The following NAA11 variants were observed in gnomAD, a reference collection of about 807,000 sequenced individuals.
NAA11 encodes N-alpha-acetyltransferase 11.
A neutral mutation model predicts 16.1 loss-of-function variants in NAA11; 15 were observed. The ratio of observed to expected loss-of-function variants is 0.93; its 90% confidence interval spans 0.62 to 1.44. The LOEUF is 1.44. NAA11 is among the 40% of genes most tolerant of loss of function. NAA11 has a pLI of 0.00. For missense variants in NAA11, 298 were observed against 291.3 expected (o/e 1.02, Z -0.17); for synonymous variants, 122 against 112.4 (o/e 1.09, Z -0.54).
At chr4:79,226,702 G>GTT (rs1721324624) in intron 2 of NAA11, among the ~76,000 whole-genome samples, 1 of 151,186 alleles carries the variant, frequency 6.6e-6, no homozygotes, top group South Asian at 2.1e-4. Flanking sequence ...CCTTGCAATA[G>GTT]TTTGCTGAGA....
At chr4:79,282,803 G>A (rs1178966621) in intron 2 of NAA11, among the ~76,000 whole-genome samples, 1 of 152,098 alleles carries the variant, frequency 6.6e-6, no homozygotes, top group Non-Finnish European at 1.5e-5. Context: ...TGGAAATACG[G>A]AATTATTTAA....
At position 79,325,395 on chromosome 4, in the gene NAA11, T is replaced by C. The variant is rs781150928; in HGVS notation, c.483A>G (p.Gln161=). The change falls in exon 1 of 2, where the codon CAA becomes CAG. Residue 161 remains glutamine (Q), a synonymous_variant. Transcript: ENST00000286794. ...CATACCCGCCCTTCTTCAGGTCCATTTGTCGTCTCAGCTCATCTGCCATCT... is the reference window on the plus strand; with the variant it reads ...CATACCCGCCCTTCTTCAGGTCCATCTGTCGTCTCAGCTCATCTGCCATCT... ...LSQMADELRR[Q]MDLKKGGYVV... The C allele has an allele frequency of 2.1e-5, 34 of 1,614,012 alleles. No homozygotes were observed. Among genetic ancestry groups the C allele is most frequent in the African/African-American group, 4.0e-5 (3 of 74,908 alleles).
chr4:79,266,242 G>A (rs1266497051), intron 2 of NAA11, among the ~76,000 whole-genome samples: 1 of 152,188 alleles, frequency 6.6e-6, no homozygotes, highest in Non-Finnish European at 1.5e-5. Flanking sequence ...CACTCGCAGA[G>A]ATAAATCCCC....
At position 79,299,477 on chromosome 4, in the gene NAA11, T is replaced by A. The variant is rs1368353585; in HGVS notation, c.*13-5363A>T. On this transcript the variant is annotated intron_variant and NMD_transcript_variant, in intron 1 of 2. Transcript: ENST00000511542. ...GAGACTAAAAAGGCTTATAAGAATA[T>A]CAAGACCCCAATGTTGTACTTATGG... is the stretch of plus-strand genomic sequence containing the variant. 4 of 152,356 alleles carry A rather than the reference T, an allele frequency of 2.6e-5. No homozygotes were observed. The East Asian group carries it at 5.8e-4, about 22-fold the overall frequency. 9.4% of individuals were successfully genotyped at this position (152,356 alleles called of 1,614,324 possible).
At chr4:79,237,646 C>T (rs1721599694) in intron 2 of NAA11, among the ~76,000 whole-genome samples, 1 of 152,090 alleles carries the variant, frequency 6.6e-6, no homozygotes, top group Non-Finnish European at 1.5e-5. Context: ...GCTTGTTAAA[C>T]TAAATTGTTA....
At chr4:79,247,936 G>A (rs1029840909) in intron 2 of NAA11, among the ~76,000 whole-genome samples, 1 of 152,172 alleles carries the variant, frequency 6.6e-6, no homozygotes, top group Non-Finnish European at 1.5e-5. Flanking sequence ...AGAGGATTTG[G>A]TGCGGGAGTG....
chr4:79,264,811 A>G (rs1560433395), intron 2 of NAA11, among the ~76,000 whole-genome samples: 3 of 151,718 alleles, frequency 2.0e-5, no homozygotes, highest in Admixed American at 6.6e-5. Flanking sequence ...TCTAACCTAC[A>G]CTCATTTCAT....
At chr4:79,235,193 CAA>C (rs1721546662) in intron 2 of NAA11, among the ~76,000 whole-genome samples, 1 of 152,018 alleles carries the variant, frequency 6.6e-6, no homozygotes, top group Non-Finnish European at 1.5e-5. Flanking sequence ...TGCTGACTGT[CAA>C]AAAGACCCCA....
chr4:79,276,804 T>G (rs1227639032), intron 2 of NAA11, among the ~76,000 whole-genome samples: 1 of 152,142 alleles, frequency 6.6e-6, no homozygotes, highest in African/African-American at 2.4e-5. Context: ...TAGACGCAAT[T>G]GGAGTCCCAT....
At chr4:79,267,106 G>C (rs951473137) in intron 2 of NAA11, among the ~76,000 whole-genome samples, 1 of 152,168 alleles carries the variant, frequency 6.6e-6, no homozygotes, top group African/African-American at 2.4e-5. Flanking sequence ...TATAAATATA[G>C]TCAAGAACAT....
intron 1 of NAA11, 124 bp downstream of exon 1, chr4:79,325,052 A>G: frequency 1.3e-6 from 1 of 783,600 alleles, no homozygotes; most frequent in South Asian, 1.9e-5. Flanking sequence ...TAAGGTCACC[A>G]GGTGGTTTTT....
chr4:79,199,568 T>G, the NAA11 span, among the ~76,000 whole-genome samples: 2 of 151,928 alleles, frequency 1.3e-5, no homozygotes, highest in Admixed American at 6.6e-5. Flanking sequence ...TAATTTGGCT[T>G]TTAAAAATAA....
chr4:79,249,669 A>G (rs1232195329), intron 2 of NAA11, among the ~76,000 whole-genome samples: 1 of 152,240 alleles, frequency 6.6e-6, no homozygotes, highest in Non-Finnish European at 1.5e-5. Flanking sequence ...AGAGAAAGCA[A>G]ACAACTTGGA....
chr4:79,290,646 T>C (rs1723059331), intron 2 of NAA11, among the ~76,000 whole-genome samples: 1 of 152,192 alleles, frequency 6.6e-6, no homozygotes. Flanking sequence ...CCAGGAACAG[T>C]TGTCAACTTG....
chr4:79,253,632 C>T (rs1722041731), intron 2 of NAA11, among the ~76,000 whole-genome samples: 1 of 152,068 alleles, frequency 6.6e-6, no homozygotes, highest in Admixed American at 6.5e-5. Context: ...TGAATGATTT[C>T]AACAAAGAAC....
At chr4:79,180,687 C>T in the NAA11 span, among the ~76,000 whole-genome samples, 1 of 152,166 alleles carries the variant, frequency 6.6e-6, no homozygotes, top group Admixed American at 6.6e-5. Flanking sequence ...CCTCAAGGAT[C>T]TAGAACTAGA....
intron 2 of NAA11, among the ~76,000 whole-genome samples, chr4:79,283,857 C>A (rs1293114927): frequency 6.6e-6 from 1 of 151,914 alleles, no homozygotes; most frequent in East Asian, 1.9e-4. Context: ...TTTGTGGAAC[C>A]ACAGAACATA....
intron 1 of NAA11, among the ~76,000 whole-genome samples, chr4:79,304,508 C>G (rs920530746): frequency 6.6e-6 from 1 of 152,124 alleles, no homozygotes; most frequent in Non-Finnish European, 1.5e-5. Context: ...GCTTTAATAA[C>G]AAATGTTAGT....
chr4:79,249,644 G>T (rs72664031), intron 2 of NAA11, among the ~76,000 whole-genome samples: 1 of 152,288 alleles, frequency 6.6e-6, no homozygotes, highest in Non-Finnish European at 1.5e-5. Flanking sequence ...AGGCCTATTG[G>T]TGTCCCTGAA....
Sources: allele counts gnomAD v4.1 joint callset (sites outside exome capture counted in the v4.1 genomes callset), GRCh38; gene constraint gnomAD v4.1.1; transcripts MANE v1.5; gene names NCBI Gene and HGNC (gene_info 2026-07-23, HGNC 2026-07-21).